Variants in SNTB1 observed in about 807,000 individuals in gnomAD.
The protein encoded by SNTB1 is beta-1-syntrophin.
In SNTB1, 36 loss-of-function variants were observed where a neutral mutation model predicts 48.9. The ratio of observed to expected loss-of-function variants is 0.74; its 90% CI spans 0.56 to 0.97. The LOEUF (loss-of-function observed/expected upper bound fraction) is 0.97. SNTB1 is among the 50% of genes least tolerant of loss of function. SNTB1 has a pLI of 0.00. For synonymous variants in SNTB1, 299 were observed against 294.6 expected (o/e 1.01, Z -0.15); for missense variants, 786 against 703.4 (o/e 1.12, Z -1.33).
intron 3 of SNTB1, among the ~76,000 whole-genome samples, chr8:120,616,068 C>T (rs1057353076): frequency 6.6e-6 from 1 of 152,158 alleles, no homozygotes. Context: ...TCACCTTTTC[C>T]TGGAGGACAA....
At chr8:120,808,228 C>T (rs1820367990) in intron 1 of SNTB1, among the ~76,000 whole-genome samples, 1 of 152,008 alleles carries the variant, frequency 6.6e-6, no homozygotes, top group African/African-American at 2.4e-5. Flanking sequence ...TTACTTTATG[C>T]AAAAAACTTA....
At chr8:120,620,291 A>G (rs1011476743) in intron 3 of SNTB1, among the ~76,000 whole-genome samples, 2 of 152,218 alleles carry the variant, frequency 1.3e-5, no homozygotes, top group Non-Finnish European at 2.9e-5. Context: ...TACAAAAACA[A>G]TTTCAATTAA....
chr8:120,690,505 C>T (rs1818107403), intron 2 of SNTB1, among the ~76,000 whole-genome samples: 1 of 152,146 alleles, frequency 6.6e-6, no homozygotes, highest in South Asian at 2.1e-4. Context: ...TGCTTGTGAA[C>T]TCTTGCCTTC....
chr8:120,573,764 C>G (rs551647546), intron 4 of SNTB1, among the ~76,000 whole-genome samples: 1 of 152,188 alleles, frequency 6.6e-6, no homozygotes, highest in Admixed American at 6.5e-5. Flanking sequence ...CCAGTTTTCC[C>G]AGCACCATTT....
rs1046252654 is a variant in SNTB1 at position 120,609,866 on chromosome 8, G to A, written c.996+22578C>T. Among the ~76,000 whole-genome samples the A allele has an allele frequency of 1.6e-4, 24 of 152,104 alleles. 1 individual carries two copies. Among genetic ancestry groups the A allele is most frequent in the African/African-American group, 5.1e-4 (21 of 41,426 alleles). Reference sequence around the variant, plus strand: ...TGTTTTCCAGGCTTTGTAAGAGACCGTGGCCCAACACTTCCTGGGAACCAT... The same window carrying A: ...TGTTTTCCAGGCTTTGTAAGAGACCATGGCCCAACACTTCCTGGGAACCAT... On this transcript the variant is annotated intron_variant, in intron 3 of 6. Transcript: ENST00000517992.
chr8:120,778,420 A>T (rs1819774094), intron 1 of SNTB1, among the ~76,000 whole-genome samples: 1 of 152,182 alleles, frequency 6.6e-6, no homozygotes, highest in Non-Finnish European at 1.5e-5. Context: ...GAAGGCAATG[A>T]CCTCTAAATC....
chr8:120,650,795 C>A (rs1288571293), intron 2 of SNTB1, among the ~76,000 whole-genome samples: 1 of 152,190 alleles, frequency 6.6e-6, no homozygotes, highest in African/African-American at 2.4e-5. Context: ...CATTCCATTC[C>A]TGGCTGGCTG....
chr8:120,712,310 G>C (rs1818476721), intron 1 of SNTB1, among the ~76,000 whole-genome samples: 1 of 151,164 alleles, frequency 6.6e-6, no homozygotes, highest in Non-Finnish European at 1.5e-5. Context: ...GGCTACTCAG[G>C]AGGCTGAGGC....
At chr8:120,716,939 G>A (rs1818568871) in intron 1 of SNTB1, among the ~76,000 whole-genome samples, 1 of 152,088 alleles carries the variant, frequency 6.6e-6, no homozygotes, top group Admixed American at 6.5e-5. Context: ...ATGGATTTTA[G>A]TACTCCAGCC....
intron 1 of SNTB1, among the ~76,000 whole-genome samples, chr8:120,799,329 C>T (rs932904569): frequency 1.3e-5 from 2 of 151,884 alleles, no homozygotes; most frequent in African/African-American, 4.8e-5. Context: ...GCATAGCACA[C>T]TCAAAAACAA....
chr8:120,639,108 T>C (rs199646409), intron 2 of SNTB1, among the ~76,000 whole-genome samples: 2 of 152,188 alleles, frequency 1.3e-5, no homozygotes, highest in Non-Finnish European at 2.9e-5. Flanking sequence ...ATGGTATCTC[T>C]TTGTGGTTTT....
intron 4 of SNTB1, among the ~76,000 whole-genome samples, chr8:120,552,629 C>T (rs576465961): frequency 2.4e-4 from 36 of 152,262 alleles, no homozygotes; most frequent in East Asian, 1.4e-3. Flanking sequence ...AGGCATGAGC[C>T]GCTGCACCCG....
intron 2 of SNTB1, among the ~76,000 whole-genome samples, chr8:120,647,043 G>C (rs992328872): frequency 6.8e-6 from 1 of 147,878 alleles, no homozygotes; most frequent in African/African-American, 2.5e-5. Flanking sequence ...GCGTCTATTT[G>C]ATTCTTCTCT....
intron 5 of SNTB1, among the ~76,000 whole-genome samples, chr8:120,547,365 G>C (rs1563813969): frequency 6.6e-6 from 1 of 152,066 alleles, no homozygotes; most frequent in Non-Finnish European, 1.5e-5. Context: ...GGAAGTCAAG[G>C]CACATAGATC....
At chr8:120,558,464 A>T (rs1425456774) in intron 4 of SNTB1, among the ~76,000 whole-genome samples, 1 of 152,216 alleles carries the variant, frequency 6.6e-6, no homozygotes, top group African/African-American at 2.4e-5. Flanking sequence ...CACAAAATTG[A>T]TTAGTTACAA....
At chr8:120,667,491 G>T (rs1043366692) in intron 2 of SNTB1, among the ~76,000 whole-genome samples, 5 of 152,144 alleles carry the variant, frequency 3.3e-5, no homozygotes, top group Non-Finnish European at 7.3e-5. Flanking sequence ...AGACTAATAT[G>T]CAAGTTAAAA....
chr8:120,719,954 C>T (rs1818630733), intron 1 of SNTB1, among the ~76,000 whole-genome samples: 1 of 152,230 alleles, frequency 6.6e-6, no homozygotes, highest in Admixed American at 6.5e-5. Flanking sequence ...AAAATGACTT[C>T]AAACTGTCTA....
chr8:120,608,313 C>A (rs955216386), intron 3 of SNTB1, among the ~76,000 whole-genome samples: 1 of 152,154 alleles, frequency 6.6e-6, no homozygotes, highest in Non-Finnish European at 1.5e-5. Flanking sequence ...TGTCGCTCCC[C>A]ACCCCAATTC....
intron 1 of SNTB1, among the ~76,000 whole-genome samples, chr8:120,737,101 T>G (rs1174587334): frequency 6.6e-6 from 1 of 152,202 alleles, no homozygotes; most frequent in Non-Finnish European, 1.5e-5. Flanking sequence ...CTTGAGCATA[T>G]CACACATCCT....
Sources: allele counts gnomAD v4.1 joint callset (sites outside exome capture counted in the v4.1 genomes callset), GRCh38; gene constraint gnomAD v4.1.1; transcripts MANE v1.5; gene names NCBI Gene and HGNC (gene_info 2026-07-23, HGNC 2026-07-21).